MSRA: variants seen among roughly 807,000 people sequenced by gnomAD.
MSRA encodes the protein methionine sulfoxide reductase A, also known as mitochondrial peptide methionine sulfoxide reductase.
MSRA carries 54 observed loss-of-function variants against 31.3 expected under a neutral mutation model. The ratio of observed to expected loss-of-function variants is 1.73; its 90% CI spans 1.39 to 2.17. The LOEUF (loss-of-function observed/expected upper bound fraction) is 2.17. Ranked by LOEUF, MSRA falls within the 30% of genes most tolerant of loss-of-function variation. The pLI is 0.00. For missense variants in MSRA, 507 were observed against 300.9 expected (o/e 1.69, Z -5.07); for synonymous variants, 169 against 116.5 (o/e 1.45, Z -2.90).
chr8:10,218,008 C>T (rs1005647540), intron 2 of MSRA, among the ~76,000 whole-genome samples: 1 of 151,974 alleles, frequency 6.6e-6, no homozygotes, highest in Non-Finnish European at 1.5e-5. Flanking sequence ...CGATCATGTT[C>T]ATTTGTCCTC....
intron 3 of MSRA, among the ~76,000 whole-genome samples, chr8:10,281,860 T>C (rs1328539653): frequency 6.6e-6 from 1 of 152,188 alleles, no homozygotes; most frequent in African/African-American, 2.4e-5. Context: ...CCAAGCACAA[T>C]AGTGACGGCT....
chr8:10,360,836 A>C (rs1804804529), intron 5 of MSRA, among the ~76,000 whole-genome samples: 2 of 152,134 alleles, frequency 1.3e-5, no homozygotes, highest in Non-Finnish European at 2.9e-5. Context: ...TATGGAGATA[A>C]TGAGTTTCAA....
chr8:10,180,932 T>G (rs565586479), intron 1 of MSRA, among the ~76,000 whole-genome samples: 2 of 152,246 alleles, frequency 1.3e-5, no homozygotes, highest in African/African-American at 4.8e-5. Flanking sequence ...TTTAGTTGAC[T>G]TCCTGGACTT....
chr8:10,056,217 A>AC (rs1554532548), intron 1 of MSRA, among the ~76,000 whole-genome samples: 1 of 151,424 alleles, frequency 6.6e-6, no homozygotes, highest in Non-Finnish European at 1.5e-5. Flanking sequence ...AAAAAAAAAA[A>AC]AAAACCCCAA....
chr8:10,235,018 C>T (rs1811831060), intron 2 of MSRA, among the ~76,000 whole-genome samples: 1 of 151,930 alleles, frequency 6.6e-6, no homozygotes, highest in South Asian at 2.1e-4. Context: ...TCTCAATTTG[C>T]CAGAAAATTA....
chr8:10,365,157 A>C (rs1168612710), intron 5 of MSRA, among the ~76,000 whole-genome samples: 1 of 151,588 alleles, frequency 6.6e-6, no homozygotes, highest in Non-Finnish European at 1.5e-5. Context: ...AAAAAAAAAA[A>C]AAAAAAAGTC....
chr8:10,403,362 G>A (rs975729692), intron 5 of MSRA, among the ~76,000 whole-genome samples: 39 of 152,264 alleles, frequency 2.6e-4, no homozygotes, highest in African/African-American at 7.0e-4. Context: ...GGCAGGTGCC[G>A]GGCCTTACCT....
intron 1 of MSRA, among the ~76,000 whole-genome samples, chr8:10,148,336 G>C (rs964668961): frequency 6.7e-6 from 1 of 150,196 alleles, no homozygotes; most frequent in African/African-American, 2.5e-5. Flanking sequence ...AAGGGAAAAT[G>C]TTGTTTTTAA....
chr8:10,397,462 C>T (rs1029311096), intron 5 of MSRA, among the ~76,000 whole-genome samples: 4 of 152,272 alleles, frequency 2.6e-5, no homozygotes, highest in East Asian at 1.9e-4. Context: ...GAGCCCAGAA[C>T]GAGTAGAGCT....
intron 1 of MSRA, among the ~76,000 whole-genome samples, chr8:10,166,438 G>A (rs1347022502): frequency 1.3e-5 from 2 of 152,114 alleles, no homozygotes; most frequent in Non-Finnish European, 2.9e-5. Context: ...GCGTGTGTAT[G>A]CATTTGTGTG....
intron 1 of MSRA, among the ~76,000 whole-genome samples, chr8:10,151,519 A>G (rs1264389313): frequency 6.6e-6 from 1 of 152,050 alleles, no homozygotes; most frequent in African/African-American, 2.4e-5. Context: ...GCGTGTTGGC[A>G]GGTGCCTGTA....
chr8:10,333,545 G>GT (rs1169250704), intron 5 of MSRA, among the ~76,000 whole-genome samples: 1 of 152,198 alleles, frequency 6.6e-6, no homozygotes, highest in African/African-American at 2.4e-5. Context: ...ACCTTGGGTT[G>GT]TTGACCTGTC....
At chr8:10,160,970 T>C (rs1386904944) in intron 1 of MSRA, among the ~76,000 whole-genome samples, 1 of 152,274 alleles carries the variant, frequency 6.6e-6, no homozygotes, top group African/African-American at 2.4e-5. Context: ...GCTAATTCTT[T>C]GTAATTATGC....
chr8:10,119,411 C>A (rs370522511), intron 1 of MSRA, among the ~76,000 whole-genome samples: 1 of 152,150 alleles, frequency 6.6e-6, no homozygotes, highest in Non-Finnish European at 1.5e-5. Context: ...GACATGTGGA[C>A]GTGCTTTCTG....
chr8:10,424,117 A>C (rs901145324), intron 5 of MSRA, among the ~76,000 whole-genome samples: 9 of 152,248 alleles, frequency 5.9e-5, no homozygotes, highest in Admixed American at 5.9e-4. Context: ...GGCAGGTTTC[A>C]TAGAGGTGGG....
intron 1 of MSRA, among the ~76,000 whole-genome samples, chr8:10,112,581 A>G (rs963453204): frequency 6.6e-6 from 1 of 152,266 alleles, no homozygotes; most frequent in Non-Finnish European, 1.5e-5. Context: ...CTGTGATTAC[A>G]TGGAATACTC....
chr8:10,162,465 C>T (rs1804749233), intron 1 of MSRA, among the ~76,000 whole-genome samples: 1 of 152,088 alleles, frequency 6.6e-6, no homozygotes, highest in Non-Finnish European at 1.5e-5. Flanking sequence ...TCCTTTAATT[C>T]AAAGCCTTTG....
chr8:10,338,098 C>T (rs997584267), intron 5 of MSRA, among the ~76,000 whole-genome samples: 1 of 152,008 alleles, frequency 6.6e-6, no homozygotes, highest in African/African-American at 2.4e-5. Context: ...AGGAATTAGG[C>T]AGGAGTAGGA....
At chr8:10,301,037 CT>C in intron 3 of MSRA, among the ~76,000 whole-genome samples, 1 of 152,282 alleles carries the variant, frequency 6.6e-6, no homozygotes, top group East Asian at 1.9e-4. Context: ...ACGTATGTCC[CT>C]CCTTAACTCA....
Sources: gnomAD v4.1 joint callset for allele counts (sites outside exome capture counted in the v4.1 genomes callset) on GRCh38, gnomAD v4.1.1 for gene constraint, MANE v1.5 for transcripts, NCBI Gene and HGNC (gene_info 2026-07-23, HGNC 2026-07-21) for gene names.